The following URB1 variants were observed in gnomAD, a reference collection of about 807,000 sequenced individuals.
The protein encoded by URB1 is nucleolar pre-ribosomal-associated protein 1.
URB1 carries 197 observed loss-of-function variants against 242.3 expected under a neutral mutation model. That is an observed-to-expected ratio of 0.81 (90% CI 0.72 to 0.91). The LOEUF (loss-of-function observed/expected upper bound fraction) is 0.91. URB1 is among the 40% of genes least tolerant of loss of function. The pLI is 0.00. For missense variants in URB1, 2,721 were observed against 2,860.5 expected (o/e 0.95, Z 1.11); for synonymous variants, 1,153 against 1,201.8 (o/e 0.96, Z 0.84).
chr21:32,348,742 T>C (rs1248735867), intron 21 of URB1, among the ~76,000 whole-genome samples: 1 of 152,132 alleles, frequency 6.6e-6, no homozygotes, highest in Non-Finnish European at 1.5e-5. Context: ...TAATAGGTGG[T>C]CCCACCCAAG....
At chr21:32,329,381 A>G (rs1288578901) in intron 30 of URB1, among the ~76,000 whole-genome samples, 1 of 152,150 alleles carries the variant, frequency 6.6e-6, no homozygotes, top group East Asian at 1.9e-4. Flanking sequence ...AGGCACCCCA[A>G]TAGGCTAGAC....
chr21:32,361,532 C>T (rs533822363), intron 12 of URB1, among the ~76,000 whole-genome samples: 1 of 152,218 alleles, frequency 6.6e-6, no homozygotes, highest in Admixed American at 6.5e-5. Flanking sequence ...ACATAAGACA[C>T]AAACCTCAAT....
At chr21:32,336,191 A>G (rs2123564249) in intron 28 of URB1, among the ~76,000 whole-genome samples, 1 of 152,312 alleles carries the variant, frequency 6.6e-6, no homozygotes, top group Non-Finnish European at 1.5e-5. Flanking sequence ...TAAGAGACAG[A>G]AAAAAATGTT....
At chr21:32,392,348 T>C (rs931718157) in intron 1 of URB1, among the ~76,000 whole-genome samples, 4 of 151,796 alleles carry the variant, frequency 2.6e-5, no homozygotes, top group Admixed American at 6.6e-5. Context: ...TCAGTATGAG[T>C]GTTGGGGGAT....
rs2032557265 is a variant in URB1 at position 32,311,184 on chromosome 21, GACTT to G, written c.*3730_*3733del. 6.2e-6 allele frequency: 1 copy of G among 160,390 alleles called. No individual in the cohort carries two copies. Among genetic ancestry groups the G allele is most frequent in the Non-Finnish European group, 1.4e-5 (1 of 73,056 alleles). 9.9% of individuals were successfully genotyped at this position (160,390 alleles called of 1,614,324 possible). A position where few individuals can be genotyped will look rare whatever the true frequency, so the allele number is the denominator to read the frequency against. On this transcript the variant is annotated 3_prime_UTR_variant, in exon 39 of 39. Coordinates refer to ENST00000382751, the MANE Select transcript of URB1 (RefSeq NM_014825.3). Reference sequence around the variant, plus strand: ...TTTATAAAACCATCAGATCTCATGAGACTTACTATCACGAGAACAGCATGGGAAG... The same window carrying G: ...TTTATAAAACCATCAGATCTCATGAGACTATCACGAGAACAGCATGGGAAG...
chr21:32,345,671 A>G, intron 22 of URB1, 96 bp from the exon 23 acceptor site: 1 of 1,292,938 alleles, frequency 7.7e-7, no homozygotes. Context: ...TATTTTAGGT[A>G]TCCTGTGACC....
rs2032732863 is a variant in URB1 at position 32,319,233 on chromosome 21, G to A, written c.5776C>T (p.Leu1926Phe). ...VNEFLYVLIV[L>F]MKHLRPTLAP... The stretch of plus-strand genomic sequence containing the variant: ...AGGACTCACCTCAGGTGCTTCATGA[G>A]CACGATGAGAACATAAAGGAACTCA... Residue 1926 changes from leucine to phenylalanine, a missense_variant, in exon 36 of 39, where the codon CTC (leucine) becomes TTC (phenylalanine). Coordinates refer to ENST00000382751, the MANE Select transcript of URB1 (RefSeq NM_014825.3). 6.5e-7 allele frequency: 1 copy of A among 1,550,272 alleles called. No homozygotes were observed. The highest frequency in any genetic ancestry group is 1.4e-5 in the African/African-American group (1 of 73,120).
intron 25 of URB1, among the ~76,000 whole-genome samples, chr21:32,340,562 G>A (rs974995053): frequency 2.6e-5 from 4 of 151,520 alleles, no homozygotes; most frequent in South Asian, 2.1e-4. Flanking sequence ...GCAGTAAGCC[G>A]AGATCACACC....
chr21:32,392,672 G>C (rs1601164367), intron 1 of URB1, 97 bp downstream of exon 1: 2 of 1,331,736 alleles, frequency 1.5e-6, no homozygotes, highest in East Asian at 6.0e-5. Context: ...GAGCCTATGT[G>C]ACCCGAAAGC....
chr21:32,356,803 C>T (rs752789382), intron 15 of URB1, among the ~76,000 whole-genome samples: 1 of 152,196 alleles, frequency 6.6e-6, no homozygotes, highest in Non-Finnish European at 1.5e-5. Context: ...CTGACTGTGC[C>T]AATTTCACCT....
chr21:32,324,352 C>T (rs752531934), intron 32 of URB1, 139 bp downstream of exon 32: 3 of 699,622 alleles, frequency 4.3e-6, no homozygotes, highest in Non-Finnish European at 7.3e-6. Flanking sequence ...GGTGGCTCCT[C>T]ATCTTCCACA....
In URB1 at chr21:32,317,052, A is replaced by G. The variant is rs1475359586; in HGVS notation, c.6048T>C (p.Asp2016=). Residue 2016 remains aspartate (D), a synonymous_variant, in exon 38 of 39, where the codon GAT becomes GAC. Transcript: ENST00000382751. ...QARELMKMLK[D]KNKPVMPARA... Reference sequence around the variant, plus strand: ...GGGCTGGCATGACAGGCTTGTTCTTATCCTTGAGCATTTCTGTTAAATGCA... The same window carrying G: ...GGGCTGGCATGACAGGCTTGTTCTTGTCCTTGAGCATTTCTGTTAAATGCA... The G allele has an allele frequency of 1.3e-6, 2 of 1,534,638 alleles. No individual in the cohort carries two copies. The highest frequency in any genetic ancestry group is 4.3e-5 in the Admixed American group (2 of 46,908).
chr21:32,382,515 G>A (rs1350506961), intron 4 of URB1, among the ~76,000 whole-genome samples: 1 of 152,134 alleles, frequency 6.6e-6, no homozygotes, highest in African/African-American at 2.4e-5. Context: ...TCCCGGCAAT[G>A]TAGAAACTCT....
At chr21:32,346,052 G>A (rs1568818261) in intron 22 of URB1, among the ~76,000 whole-genome samples, 1 of 152,188 alleles carries the variant, frequency 6.6e-6, no homozygotes, top group African/African-American at 2.4e-5. Context: ...ATGGCTTGGT[G>A]CAGTCCTTGT....
chr21:32,351,571 G>A (rs1219799998), intron 19 of URB1, among the ~76,000 whole-genome samples: 1 of 152,206 alleles, frequency 6.6e-6, no homozygotes, highest in Non-Finnish European at 1.5e-5. Context: ...GCCTGCAGCA[G>A]CATGTGTGAA....
chr21:32,371,282 CA>C (rs1160254974), intron 8 of URB1, among the ~76,000 whole-genome samples: 6 of 152,198 alleles, frequency 3.9e-5, no homozygotes, highest in Non-Finnish European at 8.8e-5. Flanking sequence ...CCCATGGCTT[CA>C]AAATTCACAT....
Position 32,311,666 on chromosome 21 carries a change from A to G in URB1, c.*3252T>C. The G allele has an allele frequency of 1.2e-6, 2 of 1,612,848 alleles. No individual in the cohort carries two copies. The highest frequency in any genetic ancestry group is 1.7e-6 in the Non-Finnish European group (2 of 1,179,558). On this transcript the variant is annotated 3_prime_UTR_variant, in exon 39 of 39. Coordinates refer to ENST00000382751, the MANE Select transcript of URB1 (RefSeq NM_014825.3). ...GCAGCAACTATGATGCCTGCCTCCC[A>G]CTCTGCTCTGTTCACAGGAACAGCC...
intron 30 of URB1, among the ~76,000 whole-genome samples, chr21:32,330,504 A>G (rs2032881833): frequency 6.6e-6 from 1 of 151,894 alleles, no homozygotes; most frequent in Non-Finnish European, 1.5e-5. Flanking sequence ...AAAAAAAAAA[A>G]GCACAGTACT....
chr21:32,393,011 A>AGGAAGAGGCGGGGCTGGC lies in URB1; in HGVS notation c.-102_-101insGCCAGCCCCGCCTCTTCC, dbSNP rs60255358. 5.0e-4 allele frequency: 670 copies of AGGAAGAGGCGGGGCTGGC among 1,329,658 alleles called. 2 individuals carry two copies. The highest frequency in any genetic ancestry group is 2.5e-3 in the African/African-American group (161 of 63,182). 82.4% of individuals were successfully genotyped at this position (1,329,658 alleles called of 1,614,324 possible). A position where few individuals can be genotyped will look rare whatever the true frequency, so the allele number is the denominator to read the frequency against. On this transcript the variant is annotated 5_prime_UTR_variant, in exon 1 of 39. Coordinates refer to ENST00000382751, the MANE Select transcript of URB1 (RefSeq NM_014825.3). ...CACGCGCTTCAGGCCCACATGGCGC[A>AGGAAGAGGCGGGGCTGGC]GGAAGAGGCGGGGCTGGCGGAAGAG...
Sources: gnomAD v4.1 joint callset for allele counts (sites outside exome capture counted in the v4.1 genomes callset) on GRCh38, gnomAD v4.1.1 for gene constraint, MANE v1.5 for transcripts, NCBI Gene and HGNC (gene_info 2026-07-23, HGNC 2026-07-21) for gene names.